The following CNTN6 variants were observed in gnomAD, a reference collection of about 807,000 sequenced individuals.
CNTN6 encodes contactin 6, also known as contactin-6.
CNTN6 carries 137 observed loss-of-function variants against 122.8 expected under a neutral mutation model. The ratio of observed to expected loss-of-function variants is 1.12; its 90% CI spans 0.97 to 1.29. CNTN6 has a LOEUF of 1.29. Among genes scored for constraint, CNTN6 ranks in the 50% most tolerant of loss-of-function variants. The pLI is 0.00. For missense variants in CNTN6, 1,634 were observed against 1,223.4 expected, an observed-to-expected ratio of 1.34 and a Z score of -5.01; for synonymous variants, 570 against 426.0, an observed-to-expected ratio of 1.34 and a Z score of -4.16.
chr3:1,137,923 C>G (rs1020185980), intron 1 of CNTN6, among the ~76,000 whole-genome samples: 1 of 152,140 alleles, frequency 6.6e-6, no homozygotes, highest in Admixed American at 6.5e-5. Flanking sequence ...ACTATTTGGT[C>G]CCAGTTTTGC....
At chr3:1,249,496 A>G (rs1469375340) in intron 4 of CNTN6, among the ~76,000 whole-genome samples, 4 of 152,224 alleles carry the variant, frequency 2.6e-5, no homozygotes, top group Non-Finnish European at 5.9e-5. Flanking sequence ...ATAGGTTTTC[A>G]AACTGTATTT....
intron 4 of CNTN6, among the ~76,000 whole-genome samples, chr3:1,254,654 A>G (rs965869960): frequency 6.6e-6 from 1 of 152,200 alleles, no homozygotes; most frequent in Non-Finnish European, 1.5e-5. Context: ...AAATATGTAC[A>G]GCATAAAAAA....
intron 21 of CNTN6, among the ~76,000 whole-genome samples, chr3:1,401,884 C>T (rs1415756159): frequency 6.6e-6 from 1 of 151,944 alleles, no homozygotes; most frequent in African/African-American, 2.4e-5. Flanking sequence ...GATTTTAGAA[C>T]TTAGGCTGCA....
chr3:1,292,903 A>T (rs988145165), intron 5 of CNTN6, among the ~76,000 whole-genome samples: 5 of 151,230 alleles, frequency 3.3e-5, no homozygotes, highest in African/African-American at 1.2e-4. Flanking sequence ...TAAACATATC[A>T]CACACACACA....
chr3:1,300,426 G>A (rs1376983970), intron 7 of CNTN6, among the ~76,000 whole-genome samples: 4 of 149,160 alleles, frequency 2.7e-5, no homozygotes. Flanking sequence ...GTATAAGAGA[G>A]AAAGGAGCAA....
At chr3:1,327,807 C>G (rs941513347) in intron 10 of CNTN6, among the ~76,000 whole-genome samples, 5 of 151,772 alleles carry the variant, frequency 3.3e-5, no homozygotes, top group African/African-American at 1.2e-4. Context: ...TGGGTGCATC[C>G]AAACCGGAGG....
chr3:1,210,199 G>A (rs1189870239), intron 2 of CNTN6, among the ~76,000 whole-genome samples: 1 of 152,090 alleles, frequency 6.6e-6, no homozygotes, highest in Non-Finnish European at 1.5e-5. Context: ...TCTGCCTCTA[G>A]TTCTTAAGTA....
At chr3:1,386,898 TTATGCG>T (rs1693066392) in intron 20 of CNTN6, among the ~76,000 whole-genome samples, 2 of 151,896 alleles carry the variant, frequency 1.3e-5, no homozygotes, top group Non-Finnish European at 2.9e-5. Context: ...GTTATTCCCC[TTATGCG>T]TATATATGCG....
chr3:1,169,066 T>A (rs574059563), intron 2 of CNTN6, among the ~76,000 whole-genome samples: 2 of 151,852 alleles, frequency 1.3e-5, no homozygotes, highest in East Asian at 3.9e-4. Context: ...ATGCAGTGAG[T>A]GGCAGAGGAA....
intron 1 of CNTN6, among the ~76,000 whole-genome samples, chr3:1,133,445 G>A (rs141926010): frequency 1.1e-4 from 16 of 152,214 alleles, no homozygotes; most frequent in Admixed American, 5.2e-4. Context: ...CCTTAAATGT[G>A]GAAAGTAGCT....
chr3:1,366,024 A>G (rs911234531), intron 12 of CNTN6, among the ~76,000 whole-genome samples: 5 of 152,164 alleles, frequency 3.3e-5, no homozygotes, highest in East Asian at 1.9e-4. Context: ...TGGAATAACT[A>G]TATCAAAATC....
chr3:1,110,937 G>A (rs2091453572), intron 1 of CNTN6, among the ~76,000 whole-genome samples: 1 of 152,174 alleles, frequency 6.6e-6, no homozygotes, highest in African/African-American at 2.4e-5. Flanking sequence ...GGCACACCTG[G>A]ATTTGAATAC....
intron 2 of CNTN6, among the ~76,000 whole-genome samples, chr3:1,220,396 T>C (rs2094191461): frequency 6.6e-6 from 1 of 152,106 alleles, no homozygotes; most frequent in African/African-American, 2.4e-5. Context: ...AAATGGGACC[T>C]GAAGATTAGC....
Position 1,383,026 on chromosome 3 carries a change from G to A in CNTN6, c.2251G>A (p.Glu751Lys). The change falls in exon 18 of 23, where the codon GAG (glutamate) becomes AAG (lysine). Residue 751 changes from glutamate (E) to lysine (K), a missense_variant. Coordinates refer to ENST00000446702, the MANE Select transcript of CNTN6 (RefSeq NM_001289080.2). ...RPVGSTTWSK[E>K]KVSSVESSRF... ...AGTGGGCTCGACAACCTGGTCCAAG[G>A]AGAAAGTGTCATCTGTGGAATCATC... The A allele has an allele frequency of 6.2e-7, 1 of 1,614,098 alleles. No individual in the cohort carries two copies. Among genetic ancestry groups the A allele is most frequent in the Middle Eastern group, 1.6e-4 (1 of 6,062 alleles).
At chr3:1,336,408 CA>C (rs1703073352) in intron 11 of CNTN6, among the ~76,000 whole-genome samples, 1 of 151,818 alleles carries the variant, frequency 6.6e-6, no homozygotes, top group Non-Finnish European at 1.5e-5. Flanking sequence ...AAGTTAAACA[CA>C]AAGGCATTTT....
intron 4 of CNTN6, among the ~76,000 whole-genome samples, chr3:1,248,856 CA>C (rs112815585): frequency 4.8e-5 from 7 of 146,824 alleles, no homozygotes; most frequent in African/African-American, 5.0e-5. Context: ...AACTCCATCT[CA>C]AAAAAAAAAG....
At chr3:1,134,631 T>C (rs2092425391) in intron 1 of CNTN6, among the ~76,000 whole-genome samples, 1 of 152,182 alleles carries the variant, frequency 6.6e-6, no homozygotes, top group Non-Finnish European at 1.5e-5. Flanking sequence ...ATTTATCCTC[T>C]GTGGTTACAG....
At chr3:1,203,684 G>A (rs1195824240) in intron 2 of CNTN6, among the ~76,000 whole-genome samples, 1 of 152,212 alleles carries the variant, frequency 6.6e-6, no homozygotes, top group Non-Finnish European at 1.5e-5. Context: ...AACCACGGTA[G>A]CAAAATTATG....
intron 12 of CNTN6, among the ~76,000 whole-genome samples, chr3:1,363,641 A>G (rs1707795621): frequency 6.6e-6 from 1 of 151,928 alleles, no homozygotes; most frequent in Admixed American, 6.6e-5. Context: ...CACATGTCAC[A>G]ATTTATTTAT....
Sources: allele counts gnomAD v4.1 joint callset (sites outside exome capture counted in the v4.1 genomes callset), GRCh38; gene constraint gnomAD v4.1.1; transcripts MANE v1.5; gene names NCBI Gene and HGNC (gene_info 2026-07-23, HGNC 2026-07-21).